Variants in XK observed in about 807,000 individuals in gnomAD.
XK encodes endoplasmic reticulum membrane adapter protein XK.
Under a neutral mutation model 14.0 loss-of-function variants are expected in XK, and 2 were observed. That is an observed-to-expected ratio of 0.14 (90% confidence interval 0.06 to 0.45). The LOEUF is 0.45. XK is among the 20% of genes least tolerant of loss of function. The pLI is 0.98. For missense variants in XK, 235 were observed against 341.5 expected, an observed-to-expected ratio of 0.69 and a Z score of 2.46; for synonymous variants, 149 against 147.5, an observed-to-expected ratio of 1.01 and a Z score of -0.08.
intron 2 of XK, among the ~76,000 whole-genome samples, chrX:37,708,528 A>G (rs1446337308): frequency 2.7e-5 from 3 of 112,421 alleles, no homozygotes. Context: ...GTTTTAAGCC[A>G]CTGTGTTTGT....
At chrX:37,692,971 C>T (rs192599188) in intron 1 of XK, among the ~76,000 whole-genome samples, 1 of 110,305 alleles carries the variant, frequency 9.1e-6, no homozygotes, top group East Asian at 2.8e-4. Flanking sequence ...AACCCCCCCC[C>T]ACACACACAC....
intron 2 of XK, among the ~76,000 whole-genome samples, chrX:37,722,829 GA>G (rs782108175): frequency 1.8e-5 from 2 of 111,817 alleles, no homozygotes; most frequent in East Asian, 5.6e-4. Flanking sequence ...ACTATAAATA[GA>G]ATTGCTTTCC....
At chrX:37,689,075 T>G (rs1354658636) in intron 1 of XK, among the ~76,000 whole-genome samples, 1 of 111,848 alleles carries the variant, frequency 8.9e-6, no homozygotes, top group African/African-American at 3.3e-5. Context: ...AAGTTCTGAA[T>G]GGGCCATTGT....
At chrX:37,714,682 A>G (rs782718691) in intron 2 of XK, among the ~76,000 whole-genome samples, 2 of 111,855 alleles carry the variant, frequency 1.8e-5, no homozygotes, top group Non-Finnish European at 3.8e-5. Context: ...CTGGGAACCC[A>G]TAGGCCTATC....
rs1302142751 is a variant in XK, at chrX:37,685,890, G to T, written c.-72G>T. ...GCATGCTGGGAGCCCCTCGGGCAAC[G>T]GCCGCCGCCGCCACAGCCACACAGC... is the stretch of plus-strand genomic sequence containing the variant. On this transcript the variant is annotated 5_prime_UTR_variant, in exon 1 of 3. Coordinates refer to ENST00000378616, the MANE Select transcript of XK (RefSeq NM_021083.4). 1 of 1,128,251 alleles carries T rather than the reference G, an allele frequency of 8.9e-7. No individual in the cohort carries two copies. Among genetic ancestry groups the T allele is most frequent in the African/African-American group, 1.8e-5 (1 of 55,809 alleles). The allele number at this position is 1,128,251 out of a possible 1,213,427, so 93.0% of individuals were successfully genotyped here.
Position 37,729,471 on chromosome X carries a change from A to T in XK, c.*1009A>T, listed in dbSNP as rs1928045233. ...TTTTCTAAATTATAAAGACGGAATG[A>T]CCAGAAAATTTTTGTCTTTCATGGA... On this transcript the variant is annotated 3_prime_UTR_variant, in exon 3 of 3. Transcript: ENST00000378616. The T allele has an allele frequency of 8.9e-6, 1 of 112,108 alleles. No homozygotes were observed. The highest frequency in any genetic ancestry group is 1.9e-5 in the Non-Finnish European group (1 of 53,163). 9.2% of individuals were successfully genotyped at this position (112,108 alleles called of 1,213,427 possible). A position where few individuals can be genotyped will look rare whatever the true frequency, so the allele number is the denominator to read the frequency against.
chrX:37,686,158 G>A lies in XK; in HGVS notation c.197G>A (p.Arg66His). Residue 66 changes from arginine to histidine, a missense_variant, in exon 1 of 3, where the codon CGC becomes CAC. Arg to His is a conservative substitution (Grantham distance 29). Transcript: ENST00000378616. Reference sequence around the variant, plus strand: ...GTACACCGCGACCTCAGCCGCGACCGCCCGCTCGTACTGCTGCTGCACCTG... The same window carrying A: ...GTACACCGCGACCTCAGCCGCGACCACCCGCTCGTACTGCTGCTGCACCTG... ...LFVHRDLSRD[R>H]PLVLLLHLLQ... is the part of the protein sequence containing the mutation. 1 of 1,208,755 alleles carries A rather than the reference G, an allele frequency of 8.3e-7. No homozygotes were observed. Among genetic ancestry groups the A allele is most frequent in the African/African-American group, 1.7e-5 (1 of 57,965 alleles).
chrX:37,707,742 G>T (rs1442439735), intron 2 of XK, among the ~76,000 whole-genome samples: 1 of 111,117 alleles, frequency 9.0e-6, no homozygotes, highest in Non-Finnish European at 1.9e-5. Context: ...AGGCAGAGGG[G>T]CTCCTCACAT....
chrX:37,710,204 A>G (rs2146824551), intron 2 of XK, among the ~76,000 whole-genome samples: 1 of 112,059 alleles, frequency 8.9e-6, no homozygotes, highest in Non-Finnish European at 1.9e-5. Context: ...TAAGTGAACC[A>G]GAACAAAACA....
chrX:37,718,220 A>G (rs1556448217), intron 2 of XK, among the ~76,000 whole-genome samples: 1 of 111,363 alleles, frequency 9.0e-6, no homozygotes, highest in Non-Finnish European at 1.9e-5. Flanking sequence ...AAGACTCCTT[A>G]TGTTTCTTTT....
chrX:37,704,383 A>G (rs1927470549), intron 2 of XK, among the ~76,000 whole-genome samples: 1 of 111,261 alleles, frequency 9.0e-6, no homozygotes. Context: ...AAAATATTTT[A>G]AAAATTAGCT....
At position 37,727,732 on chromosome X, in the gene XK, A is replaced by T; in HGVS notation, c.605A>T (p.Lys202Ile). 1 of 1,211,495 alleles carries T rather than the reference A, an allele frequency of 8.3e-7. No homozygotes were observed. The highest frequency in any genetic ancestry group is 1.8e-5 in the South Asian group (1 of 56,976). Residue 202 changes from lysine (K) to isoleucine (I), a missense_variant, in exon 3 of 3, where the codon AAA (lysine) becomes ATA (isoleucine). By Grantham distance (102) the Lys-to-Ile change is moderately radical. Transcript: ENST00000378616. ...ATCAAGTACGATGAGTATGAAGTCA[A>T]AGTGAAGCCTCTGGCCTATGTCTGT... The part of the protein sequence containing the change: ...IKIKYDEYEV[K>I]VKPLAYVCIF...
At position 37,728,622 on chromosome X, in the gene XK, T is replaced by C; in HGVS notation, c.*160T>C. On this transcript the variant is annotated 3_prime_UTR_variant, in exon 3 of 3. Transcript: ENST00000378616. Reference sequence around the variant, plus strand: ...TAGAGCTCTTGGGTATGTAGAACTGTATGGGAAGAAGCCAGGAAAACCTCT... The same window carrying C: ...TAGAGCTCTTGGGTATGTAGAACTGCATGGGAAGAAGCCAGGAAAACCTCT... The C allele has an allele frequency of 1.8e-6, 1 of 557,962 alleles. No individual in the cohort carries two copies. The highest frequency in any genetic ancestry group is 2.9e-6 in the Non-Finnish European group (1 of 345,692). The allele number at this position is 557,962 out of a possible 1,213,427, so 46.0% of individuals were successfully genotyped here. A position where few individuals can be genotyped will look rare whatever the true frequency, so the allele number is the denominator to read the frequency against.
rs147884343 is a variant in XK at position 37,706,262 on chromosome X, T to G, written c.508+11714T>G. On this transcript the variant is annotated intron_variant, in intron 2 of 2. Transcript: ENST00000378616. ...TACATGAATGGTTGTAGCTTGGCTA[T>G]CTATTAATTAAAGTGACAGTACAAT... Among the ~76,000 whole-genome samples, 194 of 111,907 alleles carry G rather than the reference T, an allele frequency of 1.7e-3. 2 individuals are homozygous for G. The highest frequency in any genetic ancestry group is 6.0e-3 in the African/African-American group (184 of 30,831).
intron 2 of XK, among the ~76,000 whole-genome samples, chrX:37,727,066 T>C (rs1927989958): frequency 9.0e-6 from 1 of 111,599 alleles, no homozygotes; most frequent in Admixed American, 9.6e-5. Context: ...GGACTCTACA[T>C]ATTCAGACAG....
In XK at chrX:37,731,221, G is replaced by T. The variant is rs1928080268; in HGVS notation, c.*2759G>T. On this transcript the variant is annotated 3_prime_UTR_variant, in exon 3 of 3. Transcript: ENST00000378616. ...TATAATTTCAATTTTTAAATTTCTT[G>T]GTGCTTTGTCTAATTAATTACATCC... The T allele has an allele frequency of 8.9e-6, 1 of 112,263 alleles. No homozygotes were observed. The highest frequency in any genetic ancestry group is 9.4e-5 in the Admixed American group (1 of 10,611). 9.3% of individuals were successfully genotyped at this position (112,263 alleles called of 1,213,427 possible). A position where few individuals can be genotyped will look rare whatever the true frequency, so the allele number is the denominator to read the frequency against.
rs868984882 is a variant in XK at position 37,688,067 on chromosome X, T to C, written c.245+1861T>C. On this transcript the variant is annotated intron_variant, in intron 1 of 2. Transcript: ENST00000378616. The stretch of plus-strand genomic sequence containing the variant: ...TCTTTCTTTCTTTCTTTCTTTTTTT[T>C]TTTTTTTTTTTGAGACGGAGTCTTG... 3.1e-4 allele frequency among the ~76,000 whole-genome samples: 28 copies of C among 89,276 alleles called. No individual in the cohort carries two copies. The East Asian group carries it at 8.0e-3, about 25-fold the overall frequency. The allele number at this position is 89,276 out of a possible 115,157, so 77.5% of individuals were successfully genotyped here.
intron 1 of XK, among the ~76,000 whole-genome samples, chrX:37,687,488 A>G (rs143342263): frequency 0.028 from 3,027 of 107,462 alleles, 117 homozygotes; most frequent in African/African-American, 0.096. Flanking sequence ...GAGTCTCCCT[A>G]TGTTGCCCAG....
At chrX:37,699,840 G>A (rs1263468467) in intron 2 of XK, among the ~76,000 whole-genome samples, 10 of 111,496 alleles carry the variant, frequency 9.0e-5, no homozygotes, top group Non-Finnish European at 1.9e-4. Context: ...ATATCACAAA[G>A]TTGAGGTTGT....
Sources: gnomAD v4.1 joint callset for allele counts (sites outside exome capture counted in the v4.1 genomes callset) on GRCh38, gnomAD v4.1.1 for gene constraint, MANE v1.5 for transcripts, NCBI Gene and HGNC (gene_info 2026-07-23, HGNC 2026-07-21) for gene names.